The following ATP10B variants were observed in gnomAD, a reference collection of about 807,000 sequenced individuals.
ATP10B encodes the protein ATPase phospholipid transporting 10B (putative).
ATP10B carries 122 observed loss-of-function variants against 141.2 expected under a neutral mutation model. That is an observed-to-expected ratio of 0.86 (90% CI 0.75 to 1.00). The LOEUF (loss-of-function observed/expected upper bound fraction) is 1.00, where lower values mean the gene tolerates loss of function less well. Among genes scored for constraint, ATP10B ranks in the 50% least tolerant of loss-of-function variants. The pLI is 0.00. For missense variants in ATP10B, 1,876 were observed against 1,825.3 expected, an observed-to-expected ratio of 1.03 and a Z score of -0.51; for synonymous variants, 685 against 692.0, an observed-to-expected ratio of 0.99 and a Z score of 0.16.
At chr5:160,622,135 G>A (rs1758380489) in intron 14 of ATP10B, among the ~76,000 whole-genome samples, 1 of 152,184 alleles carries the variant, frequency 6.6e-6, no homozygotes, top group South Asian at 2.1e-4. Context: ...AACTCTTAAT[G>A]TCTACCTGCA....
chr5:160,692,970 T>C (rs1764155835), intron 3 of ATP10B: 1 of 152,160 alleles, frequency 6.6e-6, no homozygotes, highest in Non-Finnish European at 1.5e-5. Context: ...AATATTGAGA[T>C]AAAATGACAT....
intron 19 of ATP10B, among the ~76,000 whole-genome samples, chr5:160,605,429 G>C (rs554259389): frequency 7.9e-5 from 12 of 152,314 alleles, no homozygotes; most frequent in African/African-American, 2.9e-4. Context: ...GTAGAGGTGT[G>C]AAACCATGCT....
intron 1 of ATP10B, among the ~76,000 whole-genome samples, chr5:160,809,671 C>T (rs1009133403): frequency 6.6e-6 from 1 of 152,100 alleles, no homozygotes; most frequent in Non-Finnish European, 1.5e-5. Context: ...GTTTTTCTCT[C>T]TTACTGTGCT....
upstream of ATP10B, among the ~76,000 whole-genome samples, chr5:160,856,872 A>G (rs1398155251): frequency 2.6e-5 from 4 of 151,846 alleles, no homozygotes; most frequent in Admixed American, 2.0e-4. Flanking sequence ...CTATTACATT[A>G]ATTGATTTTC....
In ATP10B at chr5:160,809,141, G is replaced by C. The variant is rs556799769; in HGVS notation, c.-575-23338C>G. ...ATTCGGGTTAATTTTTACTGTGAAG[G>C]CTACATAGTAAAAATTTTAGGCTTT... On this transcript the variant is annotated intron_variant, in intron 1 of 25. Coordinates refer to ENST00000327245, the MANE Select transcript of ATP10B (RefSeq NM_025153.3). Among the ~76,000 whole-genome samples the C allele has an allele frequency of 3.3e-5, 5 of 152,140 alleles. No homozygotes were observed. The East Asian group carries it at 7.7e-4, about 23-fold the overall frequency.
chr5:160,611,304 C>A (rs1211137010), intron 18 of ATP10B, among the ~76,000 whole-genome samples: 2 of 152,270 alleles, frequency 1.3e-5, no homozygotes, highest in East Asian at 3.9e-4. Flanking sequence ...CACATGGAAG[C>A]CCACTCGATC....
At chr5:160,603,350 A>C (rs939786926) in intron 20 of ATP10B, 4 of 154,498 alleles carry the variant, frequency 2.6e-5, no homozygotes, top group African/African-American at 9.6e-5. Flanking sequence ...TGAGATCCTA[A>C]ATGTGAAGTG....
At chr5:160,796,255 C>T (rs1433324486) in intron 1 of ATP10B, among the ~76,000 whole-genome samples, 1 of 152,224 alleles carries the variant, frequency 6.6e-6, no homozygotes, top group African/African-American at 2.4e-5. Flanking sequence ...TCCACATCTT[C>T]CTTGTCTCCA....
chr5:160,634,182 G>A (rs1759164929), intron 12 of ATP10B, 172 bp downstream of exon 12: 1 of 905,814 alleles, frequency 1.1e-6, no homozygotes, highest in Admixed American at 1.7e-5. Flanking sequence ...ACAAGTAATT[G>A]GAACAGCCCT....
rs534041446 is a variant in ATP10B, at chr5:160,586,707, G to A, written c.3750+2885C>T. On this transcript the variant is annotated intron_variant, in intron 24 of 25. Coordinates refer to ENST00000327245, the MANE Select transcript of ATP10B (RefSeq NM_025153.3). ...TGGTATCTCATTATGGTTTTGATTT[G>A]CATTTCTCTAATGATCAGTGATGTT... Among the ~76,000 whole-genome samples, 34 of 152,056 alleles carry A rather than the reference G, an allele frequency of 2.2e-4. 1 individual carries two copies. Among genetic ancestry groups the A allele is most frequent in the Non-Finnish European group, 4.3e-4 (29 of 67,988 alleles).
In ATP10B at chr5:160,583,620, G is replaced by A. The variant is rs540012664; in HGVS notation, c.3750+5972C>T. Among the ~76,000 whole-genome samples, 12 of 152,322 alleles carry A rather than the reference G, an allele frequency of 7.9e-5. No homozygotes were observed. The South Asian group carries it at 2.5e-3, about 32-fold the overall frequency. ...AGGAACGTTTAAGTCTGCTGAAGCTGTGCCTACAGCCACCCCTACCCCGAG... is the reference window on the plus strand; with the variant it reads ...AGGAACGTTTAAGTCTGCTGAAGCTATGCCTACAGCCACCCCTACCCCGAG... On this transcript the variant is annotated intron_variant, in intron 24 of 25. Transcript: ENST00000327245.
chr5:160,631,572 C>A (rs750246947), intron 13 of ATP10B, among the ~76,000 whole-genome samples: 5 of 152,188 alleles, frequency 3.3e-5, no homozygotes, highest in Admixed American at 6.5e-5. Context: ...TTTTTGATCA[C>A]CAAAAAGTAT....
intron 2 of ATP10B, among the ~76,000 whole-genome samples, chr5:160,740,057 A>T (rs1581443915): frequency 6.6e-6 from 1 of 152,368 alleles, no homozygotes; most frequent in African/African-American, 2.4e-5. Context: ...CACTAAGCAA[A>T]CACCATAGTC....
At chr5:160,641,158 G>C (rs1759830156) in intron 9 of ATP10B, among the ~76,000 whole-genome samples, 1 of 152,194 alleles carries the variant, frequency 6.6e-6, no homozygotes, top group Non-Finnish European at 1.5e-5. Flanking sequence ...TGGTGTTGGA[G>C]AGCCTGCTCA....
Position 160,644,159 on chromosome 5 carries a change from C to T in ATP10B, c.847G>A (p.Val283Ile), listed in dbSNP as rs369830205. ...GCTIRNTEMAVGIVIYAGHET... is the reference protein window; with the variant it reads ...GCTIRNTEMAIGIVIYAGHET... Reference sequence around the variant, plus strand: ...TGACCTGCATAGATGACAATGCCAACAGCCATCTCGGTGTTTCTGATGGTG... The same window carrying T: ...TGACCTGCATAGATGACAATGCCAATAGCCATCTCGGTGTTTCTGATGGTG... The change falls in exon 9 of 26, where the codon GTT becomes ATT. Residue 283 changes from valine (V) to isoleucine (I), a missense_variant. Physicochemically the swap from Val to Ile is conservative, Grantham distance 29. Coordinates refer to ENST00000327245, the MANE Select transcript of ATP10B (RefSeq NM_025153.3). 6.2e-7 allele frequency: 1 copy of T among 1,613,764 alleles called. No homozygotes were observed. The highest frequency in any genetic ancestry group is 1.3e-5 in the African/African-American group (1 of 74,878).
chr5:160,884,359 CAAG>C, the ATP10B span, among the ~76,000 whole-genome samples: 58 of 152,182 alleles, frequency 3.8e-4, no homozygotes, highest in African/African-American at 1.3e-3. Flanking sequence ...CAGTATTTTC[CAAG>C]AAGGGGACTG....
chr5:160,728,815 G>C (rs1766539080), intron 2 of ATP10B, among the ~76,000 whole-genome samples: 1 of 100,768 alleles, frequency 9.9e-6, no homozygotes, highest in Non-Finnish European at 2.5e-5. Context: ...TATTCTCTCA[G>C]AATGTGTTGT....
intron 7 of ATP10B, among the ~76,000 whole-genome samples, chr5:160,665,931 T>C (rs1294903512): frequency 1.3e-5 from 2 of 152,180 alleles, no homozygotes; most frequent in Non-Finnish European, 2.9e-5. Context: ...AGATATTAAA[T>C]TTCCAAACAA....
intron 2 of ATP10B, among the ~76,000 whole-genome samples, chr5:160,775,086 A>T (rs894838242): frequency 6.6e-6 from 1 of 152,050 alleles, no homozygotes. Flanking sequence ...TTTGAACGCA[A>T]CTCTGTTCGT....
Sources: allele counts gnomAD v4.1 joint callset (sites outside exome capture counted in the v4.1 genomes callset), GRCh38; gene constraint gnomAD v4.1.1; transcripts MANE v1.5; gene names NCBI Gene and HGNC (gene_info 2026-07-23, HGNC 2026-07-21).